ACSBG2: variants seen among roughly 807,000 people sequenced by gnomAD.
The protein encoded by ACSBG2 is long-chain-fatty-acid--CoA ligase ACSBG2.
A neutral mutation model predicts 74.7 loss-of-function variants in ACSBG2; 62 were observed. The observed-to-expected ratio is 0.83, with a 90% CI of 0.68 to 1.03. The LOEUF is 1.03. ACSBG2 is among the 50% of genes least tolerant of loss of function. ACSBG2 has a pLI of 0.00. For missense variants in ACSBG2, 730 were observed against 817.6 expected (o/e 0.89, Z 1.31); for synonymous variants, 309 against 294.1 (o/e 1.05, Z -0.52).
At chr19:6,145,903 C>G (rs2089013844) in intron 2 of ACSBG2, among the ~76,000 whole-genome samples, 1 of 152,120 alleles carries the variant, frequency 6.6e-6, no homozygotes. Flanking sequence ...AGAGGGGCTA[C>G]TTCTTCACAT....
chr19:6,171,167 A>AT (rs1454110427), intron 7 of ACSBG2, among the ~76,000 whole-genome samples: 4 of 151,884 alleles, frequency 2.6e-5, no homozygotes, highest in Non-Finnish European at 4.4e-5. Context: ...ATTTATTATT[A>AT]TTTTTTATCA....
intron 7 of ACSBG2, among the ~76,000 whole-genome samples, 160 bp downstream of exon 7, chr19:6,166,175 G>A (rs2089793760): frequency 6.6e-6 from 1 of 152,122 alleles, no homozygotes; most frequent in South Asian, 2.1e-4. Flanking sequence ...GGGCAGCAGA[G>A]TGCAGTGATT....
intron 7 of ACSBG2, among the ~76,000 whole-genome samples, chr19:6,171,301 T>C (rs1673908311): frequency 6.6e-6 from 1 of 152,178 alleles, no homozygotes; most frequent in African/African-American, 2.4e-5. Flanking sequence ...GTTTAGTTGC[T>C]TTATAGGGTC....
intron 6 of ACSBG2, among the ~76,000 whole-genome samples, chr19:6,164,278 G>A (rs1433193373): frequency 6.6e-6 from 1 of 152,108 alleles, no homozygotes; most frequent in Non-Finnish European, 1.5e-5. Context: ...GAAAGGACAG[G>A]TTCCCCCAGA....
intron 12 of ACSBG2, 54 bp downstream of exon 12, chr19:6,187,476 C>G (rs1600138181): frequency 6.2e-7 from 1 of 1,606,714 alleles, no homozygotes; most frequent in Non-Finnish European, 8.5e-7. Context: ...TCTTGGGTTC[C>G]CTGGCCCCAC....
rs536631154 is a variant in ACSBG2, at chr19:6,151,766, T to A, written c.357T>A (p.Phe119Leu). 1.6e-4 allele frequency: 254 copies of A among 1,601,894 alleles called. 6 individuals are homozygous for A. The South Asian group carries it at 2.7e-3, about 17-fold the overall frequency. The change falls in exon 4 of 15, where the codon TTT (phenylalanine) becomes TTA (leucine). Residue 119 changes from phenylalanine to leucine, a missense_variant. By Grantham distance (22) the Phe-to-Leu change is conservative. Transcript: ENST00000588485. ...GILGFNSAEW[F>L]ITAVGAILAG... The stretch of plus-strand genomic sequence containing the variant: ...TGGGGTTTAACTCTGCAGAGTGGTT[T>A]ATCACTGCTGTTGGTGCCATCCTAG...
intron 6 of ACSBG2, among the ~76,000 whole-genome samples, chr19:6,161,880 ATCAG>A (rs1324871107): frequency 7.2e-5 from 11 of 152,204 alleles, no homozygotes; most frequent in Non-Finnish European, 1.3e-4. Flanking sequence ...GCTAAAAAAA[ATCAG>A]TCATTTTGTT....
chr19:6,163,448 A>T (rs2089690511), intron 6 of ACSBG2, among the ~76,000 whole-genome samples: 1 of 29,016 alleles, frequency 3.4e-5, no homozygotes, highest in Non-Finnish European at 1.1e-4. Context: ...GACTCCATCT[A>T]AAAAAAAAAA....
intron 2 of ACSBG2, 122 bp downstream of exon 2, chr19:6,141,732 AC>A: frequency 3.0e-6 from 2 of 659,692 alleles, no homozygotes; most frequent in East Asian, 2.8e-5. Flanking sequence ...GCTGACCCCG[AC>A]CCCCCACCCT....
At chr19:6,168,404 A>C (rs1156947124) in intron 7 of ACSBG2, among the ~76,000 whole-genome samples, 1 of 152,068 alleles carries the variant, frequency 6.6e-6, no homozygotes, top group East Asian at 1.9e-4. Context: ...TTACTACCTA[A>C]TTCCCATTTG....
chr19:6,157,201 G>T (rs1365680883), intron 5 of ACSBG2, among the ~76,000 whole-genome samples: 1 of 152,158 alleles, frequency 6.6e-6, no homozygotes, highest in Non-Finnish European at 1.5e-5. Flanking sequence ...GCCCGCCTTG[G>T]CCTCCCAAAG....
intron 7 of ACSBG2, among the ~76,000 whole-genome samples, chr19:6,166,568 C>T (rs2089816671): frequency 6.6e-6 from 1 of 152,076 alleles, no homozygotes; most frequent in Non-Finnish European, 1.5e-5. Flanking sequence ...CCGCCTTGGC[C>T]TCCCAAAGTG....
At chr19:6,173,923 A>G (rs1243149995) in intron 7 of ACSBG2, among the ~76,000 whole-genome samples, 8 of 149,376 alleles carry the variant, frequency 5.4e-5, no homozygotes, top group Non-Finnish European at 5.9e-5. Flanking sequence ...ACATGAGGAC[A>G]TCACTCTTGA....
intron 2 of ACSBG2, among the ~76,000 whole-genome samples, chr19:6,142,420 T>C (rs1005411054): frequency 2.6e-5 from 4 of 152,100 alleles, no homozygotes. Context: ...TCCAGGCTCT[T>C]GACACCATCG....
intron 10 of ACSBG2, among the ~76,000 whole-genome samples, chr19:6,184,157 T>G (rs1161367590): frequency 6.6e-6 from 1 of 152,202 alleles, no homozygotes; most frequent in Non-Finnish European, 1.5e-5. Flanking sequence ...CCATATTATC[T>G]GCCTGTTTTA....
Position 6,182,872 on chromosome 19 carries a change from A to G in ACSBG2, c.1028A>G (p.Lys343Arg). The change falls in exon 9 of 15, where the codon AAG becomes AGG. Residue 343 changes from lysine to arginine, a missense_variant. By Grantham distance (26) the Lys-to-Arg change is conservative (BLOSUM62 2). Coordinates refer to ENST00000588485, the MANE Select transcript of ACSBG2 (RefSeq NM_030924.5). ...KNSAKSMGLKKKAFVWARNIG... is the reference protein window; with the variant it reads ...KNSAKSMGLKRKAFVWARNIG... ...AGTGCCAAGTCCATGGGCTTGAAGAAGAAGGCATTCGTGTGGGCAAGAAAC... is the reference window on the plus strand; with the variant it reads ...AGTGCCAAGTCCATGGGCTTGAAGAGGAAGGCATTCGTGTGGGCAAGAAAC... The G allele has an allele frequency of 6.2e-7, 1 of 1,614,214 alleles. No homozygotes were observed. Among genetic ancestry groups the G allele is most frequent in the Non-Finnish European group, 8.5e-7 (1 of 1,180,036 alleles).
chr19:6,143,128 T>C (rs1292242256), intron 2 of ACSBG2, among the ~76,000 whole-genome samples: 1 of 152,058 alleles, frequency 6.6e-6, no homozygotes, highest in African/African-American at 2.4e-5. Context: ...TATTGCAACC[T>C]CTGCCTCCCA....
chr19:6,157,246 C>A (rs1052344422), intron 5 of ACSBG2, among the ~76,000 whole-genome samples: 3 of 152,160 alleles, frequency 2.0e-5, no homozygotes, highest in African/African-American at 7.2e-5. Flanking sequence ...CCGCCCCGAG[C>A]CCGGGCTAAC....
intron 1 of ACSBG2, among the ~76,000 whole-genome samples, chr19:6,140,142 G>A (rs1052490436): frequency 4.6e-5 from 7 of 151,154 alleles, no homozygotes; most frequent in Non-Finnish European, 5.9e-5. Flanking sequence ...GGAGAATGGC[G>A]TGAACCCAGA....
Sources: gnomAD v4.1 joint callset for allele counts (sites outside exome capture counted in the v4.1 genomes callset) on GRCh38, gnomAD v4.1.1 for gene constraint, MANE v1.5 for transcripts, NCBI Gene and HGNC (gene_info 2026-07-23, HGNC 2026-07-21) for gene names.